Variants in ENTHD1 observed in about 807,000 individuals in gnomAD.
ENTHD1 encodes ENTH domain containing 1, also known as ENTH domain-containing protein 1.
Under a neutral mutation model 39.1 loss-of-function variants are expected in ENTHD1, and 23 were observed. The observed-to-expected ratio is 0.59, with a 90% CI of 0.42 to 0.83. The LOEUF is 0.83. Among genes scored for constraint, ENTHD1 ranks in the 40% least tolerant of loss-of-function variants. The probability of loss-of-function intolerance (pLI) is 0.00; values close to 1 mark genes in which losing one functional copy is unlikely to be tolerated. For synonymous variants in ENTHD1, 230 were observed against 258.2 expected, an observed-to-expected ratio of 0.89 and a Z score of 1.05; for missense variants, 624 against 705.4, an observed-to-expected ratio of 0.88 and a Z score of 1.31.
intron 5 of ENTHD1, among the ~76,000 whole-genome samples, chr22:39,775,001 G>A (rs2065355697): frequency 6.6e-6 from 1 of 151,886 alleles, no homozygotes; most frequent in Non-Finnish European, 1.5e-5. Flanking sequence ...ATTCTTCAAG[G>A]TCTCATTCAA....
chr22:39,846,422 C>T (rs1182834244), intron 3 of ENTHD1, among the ~76,000 whole-genome samples: 3 of 152,048 alleles, frequency 2.0e-5, no homozygotes, highest in Non-Finnish European at 2.9e-5. Flanking sequence ...AAAATTTTCT[C>T]CCATTTTGTA....
intron 4 of ENTHD1, among the ~76,000 whole-genome samples, chr22:39,824,651 C>G (rs564521008): frequency 6.6e-6 from 1 of 152,278 alleles, no homozygotes; most frequent in South Asian, 2.1e-4. Flanking sequence ...AATGCTGTAG[C>G]ACTATTTTTT....
chr22:39,769,140 TAAAA>T (rs2065302462), intron 5 of ENTHD1, among the ~76,000 whole-genome samples: 1 of 151,996 alleles, frequency 6.6e-6, no homozygotes, highest in African/African-American at 2.4e-5. Flanking sequence ...AATAAACACA[TAAAA>T]ATTAATAATG....
intron 3 of ENTHD1, among the ~76,000 whole-genome samples, chr22:39,846,093 G>A (rs2065985984): frequency 6.6e-6 from 1 of 152,038 alleles, no homozygotes; most frequent in Non-Finnish European, 1.5e-5. Context: ...TTTGATAAGT[G>A]GTGCTGGGAA....
rs148671317 is a variant in ENTHD1 at position 39,841,293 on chromosome 22, T to C, written c.593-5335A>G. ...AAAAGCCATTGTAGGTTGGGTTCCC[T>C]AGGAAACAGACTCTCAGACTCAGAT... On this transcript the variant is annotated intron_variant, in intron 3 of 6. Transcript: ENST00000325157. Among the ~76,000 whole-genome samples, 35 of 152,296 alleles carry C rather than the reference T, an allele frequency of 2.3e-4. No individual in the cohort carries two copies. The East Asian group carries it at 5.6e-3, about 24-fold the overall frequency.
chr22:39,779,258 A>G (rs1453196050), intron 5 of ENTHD1, among the ~76,000 whole-genome samples: 2 of 152,092 alleles, frequency 1.3e-5, no homozygotes, highest in Non-Finnish European at 2.9e-5. Flanking sequence ...CAAAGGTTGC[A>G]GTGAACCAGG....
At chr22:39,875,233 A>T in intron 2 of ENTHD1, 1 of 1,047,922 alleles carries the variant, frequency 9.5e-7, no homozygotes, top group Non-Finnish European at 1.2e-6. Context: ...CACATACGGT[A>T]TGCTTCCATT....
intron 6 of ENTHD1, among the ~76,000 whole-genome samples, chr22:39,749,031 C>G (rs76369131): frequency 1.3e-5 from 2 of 152,182 alleles, no homozygotes; most frequent in Non-Finnish European, 2.9e-5. Flanking sequence ...CAACTGCTGA[C>G]GAAATCGCTT....
chr22:39,848,989 C>T (rs2066013750), intron 3 of ENTHD1, among the ~76,000 whole-genome samples: 1 of 152,024 alleles, frequency 6.6e-6, no homozygotes, highest in Non-Finnish European at 1.5e-5. Context: ...TCAAAAATGC[C>T]ACTTCTGTCA....
intron 6 of ENTHD1, chr22:39,750,932 G>A (rs1266640983): frequency 6.4e-6 from 1 of 155,108 alleles, no homozygotes; most frequent in Non-Finnish European, 1.5e-5. Context: ...TGCTAGTATA[G>A]TCATCATCCA....
intron 3 of ENTHD1, among the ~76,000 whole-genome samples, chr22:39,852,418 C>T (rs560093919): frequency 6.6e-6 from 1 of 152,178 alleles, no homozygotes; most frequent in African/African-American, 2.4e-5. Context: ...ATATAACAAG[C>T]CTATATTGTT....
chr22:39,860,569 T>C (rs148273947), intron 3 of ENTHD1, among the ~76,000 whole-genome samples: 2 of 152,368 alleles, frequency 1.3e-5, no homozygotes, highest in African/African-American at 4.8e-5. Flanking sequence ...ACTCTATGTC[T>C]CACTGGGTGA....
intron 3 of ENTHD1, among the ~76,000 whole-genome samples, chr22:39,847,845 T>A (rs2066002830): frequency 6.6e-6 from 1 of 152,222 alleles, no homozygotes; most frequent in South Asian, 2.1e-4. Context: ...CTATAACAAA[T>A]TACCACAAAC....
At chr22:39,750,325 AT>A in intron 6 of ENTHD1, 1 of 174,124 alleles carries the variant, frequency 5.7e-6, no homozygotes, top group Admixed American at 5.7e-5. Flanking sequence ...TTTTGCTGAT[AT>A]TTTGTGTGTG....
At position 39,887,819 on chromosome 22, in the gene ENTHD1, A is replaced by AT; in HGVS notation, c.-72_-71insA. On this transcript the variant is annotated 5_prime_UTR_variant, in exon 2 of 7. Transcript: ENST00000325157. ...ATAACAGTTTATGTCACGGGTTTAT[A>AT]AAACTCTTGACAGGTAATTGGTCCC... The AT allele has an allele frequency of 2.6e-6, 3 of 1,166,902 alleles. No individual in the cohort carries two copies. The highest frequency in any genetic ancestry group is 3.6e-6 in the Non-Finnish European group (3 of 833,802). The allele number at this position is 1,166,902 out of a possible 1,614,324, so 72.3% of individuals were successfully genotyped here.
intron 5 of ENTHD1, among the ~76,000 whole-genome samples, chr22:39,787,971 C>A (rs910447040): frequency 6.6e-6 from 1 of 152,108 alleles, no homozygotes; most frequent in South Asian, 2.1e-4. Flanking sequence ...AATTCTAAGG[C>A]CCTTAAGATT....
intron 5 of ENTHD1, among the ~76,000 whole-genome samples, chr22:39,767,157 G>A (rs894902574): frequency 6.6e-6 from 1 of 152,158 alleles, no homozygotes; most frequent in African/African-American, 2.4e-5. Context: ...CTCATTGGGT[G>A]CAAGGGAAAC....
chr22:39,862,268 G>A (rs1325275170), intron 2 of ENTHD1, among the ~76,000 whole-genome samples: 1 of 152,002 alleles, frequency 6.6e-6, no homozygotes, highest in Non-Finnish European at 1.5e-5. Flanking sequence ...AGCAATATAT[G>A]GCTGGGTGCG....
intron 5 of ENTHD1, among the ~76,000 whole-genome samples, chr22:39,773,000 C>T (rs1238635823): frequency 1.3e-5 from 2 of 150,948 alleles, no homozygotes; most frequent in Non-Finnish European, 2.9e-5. Context: ...AATTAAAGAA[C>T]TAGCTAGGCG....
Sources: allele counts gnomAD v4.1 joint callset (sites outside exome capture counted in the v4.1 genomes callset), GRCh38; gene constraint gnomAD v4.1.1; transcripts MANE v1.5; gene names NCBI Gene and HGNC (gene_info 2026-07-23, HGNC 2026-07-21).